The following SMAD5 variants were observed in gnomAD, a reference collection of about 807,000 sequenced individuals.
SMAD5 encodes MAD, mothers against decapentaplegic homolog 5.
In SMAD5, 9 loss-of-function variants were observed where a neutral mutation model predicts 43.1. That is an observed-to-expected ratio of 0.21 (90% CI 0.13 to 0.36). The LOEUF is 0.36. SMAD5 is among the 10% of genes least tolerant of loss of function. SMAD5 has a pLI of 1.00. For missense variants in SMAD5, 348 were observed against 574.0 expected (o/e 0.61, Z 4.02); for synonymous variants, 190 against 192.4 (o/e 0.99, Z 0.10).
rs1392482596 is a variant in SMAD5, at chr5:136,174,664, A to G, written c.1254+32A>G. ...TGTGACCTCTAACATAATTTGAGTC[A>G]CTATAAATGTGTATATTATGACTTT... On this transcript the variant is annotated intron_variant, in intron 7 of 7. Coordinates refer to ENST00000545279, the MANE Select transcript of SMAD5 (RefSeq NM_005903.7). The G allele has an allele frequency of 2.0e-6, 3 of 1,499,868 alleles. No homozygotes were observed. In the South Asian group the frequency reaches 3.4e-5, roughly 17 times the overall value. 92.9% of individuals were successfully genotyped at this position (1,499,868 alleles called of 1,614,324 possible). A position where few individuals can be genotyped will look rare whatever the true frequency, so the allele number is the denominator to read the frequency against.
At chr5:136,145,407 T>C (rs574948563) in intron 1 of SMAD5, among the ~76,000 whole-genome samples, 4 of 152,132 alleles carry the variant, frequency 2.6e-5, no homozygotes, top group Admixed American at 1.3e-4. Flanking sequence ...TGGTTGTCAG[T>C]GGCTTGAAAG....
chr5:136,132,933 G>T lies in SMAD5; in HGVS notation c.-274G>T, dbSNP rs1752719996. 1.3e-5 allele frequency: 2 copies of T among 152,384 alleles called. No individual in the cohort carries two copies. Among genetic ancestry groups the T allele is most frequent in the Admixed American group, 6.5e-5 (1 of 15,310 alleles). The allele number at this position is 152,384 out of a possible 1,614,324, so 9.4% of individuals were successfully genotyped here. A position where few individuals can be genotyped will look rare whatever the true frequency, so the allele number is the denominator to read the frequency against. On this transcript the variant is annotated 5_prime_UTR_variant, in exon 1 of 8. Coordinates refer to ENST00000545279, the MANE Select transcript of SMAD5 (RefSeq NM_005903.7). ...CAGCGAGGAGAAGCGCAGCGACGGCGTCGGGAGAGCGCGCCTAGCCGGCTC... is the reference window on the plus strand; with the variant it reads ...CAGCGAGGAGAAGCGCAGCGACGGCTTCGGGAGAGCGCGCCTAGCCGGCTC...
rs1754464672 is a variant in SMAD5 at position 136,177,463 on chromosome 5, A to G, written c.1381A>G (p.Ile461Val). ...LTQMGSPLNP[I>V]SSVS ...TCAGATGGGCTCCCCTCTGAACCCC[A>G]TATCTTCTGTTTCATAATGCAGAAG... The change falls in exon 8 of 8, where the codon ATA (isoleucine) becomes GTA (valine). Residue 461 changes from isoleucine (I) to valine (V), a missense_variant. Coordinates refer to ENST00000545279, the MANE Select transcript of SMAD5 (RefSeq NM_005903.7). 1.1e-5 allele frequency: 18 copies of G among 1,611,000 alleles called. No individual in the cohort carries two copies. Among genetic ancestry groups the G allele is most frequent in the Non-Finnish European group, 1.5e-5 (18 of 1,178,302 alleles).
chr5:136,158,727 G>A (rs758102796), intron 3 of SMAD5, among the ~76,000 whole-genome samples: 1 of 152,052 alleles, frequency 6.6e-6, no homozygotes, highest in Non-Finnish European at 1.5e-5. Flanking sequence ...GTGAAACCCC[G>A]TCTCTACTAA....
intron 2 of SMAD5, among the ~76,000 whole-genome samples, chr5:136,149,033 T>G (rs1035248535): frequency 6.6e-6 from 1 of 151,898 alleles, no homozygotes; most frequent in Non-Finnish European, 1.5e-5. Flanking sequence ...GGCTGTCTCA[T>G]GACCCTTCTT....
In SMAD5 at chr5:136,158,987, G is replaced by A. The variant is rs115536437; in HGVS notation, c.404-1869G>A. Among the ~76,000 whole-genome samples the A allele has an allele frequency of 4.7e-3, 716 of 152,182 alleles. 4 individuals carry two copies. The highest frequency in any genetic ancestry group is 0.017 in the Middle Eastern group (5 of 294). On this transcript the variant is annotated intron_variant, in intron 3 of 7. Coordinates refer to ENST00000545279, the MANE Select transcript of SMAD5 (RefSeq NM_005903.7). ...TGTATCCAAGAAATAGTAATGATAG[G>A]CGTTTAACAGATCTGTTGGAATTCT...
Position 136,153,756 on chromosome 5 carries a change from G to T in SMAD5, c.-5G>T. Reference sequence around the variant, plus strand: ...TACAGGAAGGTCTCCGAAGATTTGTGTCAAATGACGTCAATGGCCAGCTTG... The same window carrying T: ...TACAGGAAGGTCTCCGAAGATTTGTTTCAAATGACGTCAATGGCCAGCTTG... On this transcript the variant is annotated 5_prime_UTR_variant, in exon 3 of 8. Transcript: ENST00000545279. 1 of 1,598,172 alleles carries T rather than the reference G, an allele frequency of 6.3e-7. No individual in the cohort carries two copies. The highest frequency in any genetic ancestry group is 8.5e-7 in the Non-Finnish European group (1 of 1,172,008).
rs780952568 is a variant in SMAD5 at position 136,161,059 on chromosome 5, C to A, written c.607C>A (p.Pro203Thr). The change falls in exon 4 of 8, where the codon CCC becomes ACC. Residue 203 changes from proline to threonine, a missense_variant. By Grantham distance (38) the Pro-to-Thr change is conservative. Transcript: ENST00000545279. ...YPPSPASSTY[P>T]NSPASSGPGS... ...CCCTTCTCCTGCTAGCAGCACATAT[C>A]CCAACTCCCCAGCAAGTTCTGGACC... 4.0e-5 allele frequency: 65 copies of A among 1,613,742 alleles called. No homozygotes were observed. The highest frequency in any genetic ancestry group is 5.3e-5 in the Non-Finnish European group (62 of 1,179,842).
At chr5:136,166,769 C>T (rs1754031167) in intron 5 of SMAD5, among the ~76,000 whole-genome samples, 1 of 152,090 alleles carries the variant, frequency 6.6e-6, no homozygotes, top group Non-Finnish European at 1.5e-5. Context: ...CTTTATTCTC[C>T]TTTTGAAAAT....
chr5:136,163,963 T>G (rs1003419844), intron 5 of SMAD5, among the ~76,000 whole-genome samples: 1 of 152,162 alleles, frequency 6.6e-6, no homozygotes, highest in African/African-American at 2.4e-5. Context: ...GGTGGATCCC[T>G]TGAGATCTGG....
At chr5:136,137,685 GTCT>G (rs941138893) in intron 1 of SMAD5, among the ~76,000 whole-genome samples, 6 of 152,284 alleles carry the variant, frequency 3.9e-5, no homozygotes, top group Non-Finnish European at 8.8e-5. Context: ...TTAAAAGCCA[GTCT>G]TCTTCTGTTT....
chr5:136,138,448 T>G (rs928121952), intron 1 of SMAD5, among the ~76,000 whole-genome samples: 4 of 152,220 alleles, frequency 2.6e-5, no homozygotes, highest in African/African-American at 9.6e-5. Context: ...GATGTTCTTA[T>G]AAAGAATAGG....
intron 5 of SMAD5, 91 bp from the exon 6 acceptor site, chr5:136,172,343 G>A: frequency 1.4e-6 from 1 of 702,892 alleles, no homozygotes; most frequent in Non-Finnish European, 2.3e-6. Context: ...TCTTTTTCAT[G>A]TAATACTTGG....
intron 2 of SMAD5, among the ~76,000 whole-genome samples, chr5:136,150,907 G>A (rs1753433769): frequency 1.3e-5 from 2 of 151,920 alleles, no homozygotes; most frequent in South Asian, 4.1e-4. Flanking sequence ...AAGTTAATAG[G>A]CTTTGAAAAA....
intron 2 of SMAD5, among the ~76,000 whole-genome samples, chr5:136,149,745 C>G (rs1753387831): frequency 6.6e-6 from 1 of 151,834 alleles, no homozygotes; most frequent in African/African-American, 2.4e-5. Flanking sequence ...GCACATACCA[C>G]TTTACCAGTT....
intron 1 of SMAD5, chr5:136,134,471 T>G (rs1036352621): frequency 6.6e-6 from 1 of 152,256 alleles, no homozygotes; most frequent in African/African-American, 2.4e-5. Flanking sequence ...TAGTATCCAT[T>G]GTGGGGAAAA....
intron 1 of SMAD5, among the ~76,000 whole-genome samples, chr5:136,139,721 A>G (rs2149759379): frequency 6.6e-6 from 1 of 152,176 alleles, no homozygotes; most frequent in African/African-American, 2.4e-5. Context: ...TTTGAGACGG[A>G]GTCTTGTGCT....
intron 4 of SMAD5, 126 bp downstream of exon 4, chr5:136,161,233 C>A: frequency 1.2e-6 from 1 of 822,504 alleles, no homozygotes; most frequent in Non-Finnish European, 1.9e-6. Context: ...ACTCTTTATT[C>A]TTTAGGTAAT....
intron 2 of SMAD5, among the ~76,000 whole-genome samples, chr5:136,148,799 C>T (rs1250503911): frequency 6.6e-6 from 1 of 151,834 alleles, no homozygotes; most frequent in Non-Finnish European, 1.5e-5. Flanking sequence ...TAGTCTCACT[C>T]ATGGTTCATA....
Sources: allele counts gnomAD v4.1 joint callset (sites outside exome capture counted in the v4.1 genomes callset), GRCh38; gene constraint gnomAD v4.1.1; transcripts MANE v1.5; gene names NCBI Gene and HGNC (gene_info 2026-07-23, HGNC 2026-07-21).